EML4: variants seen among roughly 807,000 people sequenced by gnomAD.
EML4 encodes echinoderm microtubule-associated protein-like 4.
In EML4, 72 loss-of-function variants were observed where a neutral mutation model predicts 129.0. That is an observed-to-expected ratio of 0.56 (90% CI 0.46 to 0.68). EML4 has a LOEUF of 0.68. EML4 is among the 30% of genes least tolerant of loss of function. The pLI is 0.00. For synonymous variants in EML4, 532 were observed against 405.0 expected, an observed-to-expected ratio of 1.31 and a Z score of -3.77; for missense variants, 1,363 against 1,190.6, an observed-to-expected ratio of 1.14 and a Z score of -2.13.
Position 42,303,238 on chromosome 2 carries a change from T to C in EML4, c.1767+9T>C. On this transcript the variant is annotated intron_variant, in intron 15 of 22. Transcript: ENST00000318522. ...TCCAAATAGAAGTACAGGTAAGCTG[T>C]GTGATATTAACCGTTAACTGAATAT... 6.2e-7 allele frequency: 1 copy of C among 1,614,186 alleles called. No individual in the cohort carries two copies. Among genetic ancestry groups the C allele is most frequent in the Non-Finnish European group, 8.5e-7 (1 of 1,180,030 alleles).
At position 42,284,672 on chromosome 2, in the gene EML4, G is replaced by A; in HGVS notation, c.980G>A (p.Gly327Glu). The A allele has an allele frequency of 6.2e-7, 1 of 1,612,936 alleles. No homozygotes were observed. ...CCTGACAAAATTAGGATTGCAACTGGACAGATAGCTGGCGTGGATAAAGAT... is the reference window on the plus strand; with the variant it reads ...CCTGACAAAATTAGGATTGCAACTGAACAGATAGCTGGCGTGGATAAAGAT... The part of the protein sequence containing the change: ...IHPDKIRIAT[G>E]QIAGVDKDGR... Residue 327 changes from glycine (G) to glutamate (E), a missense_variant, in exon 9 of 23, where the codon GGA (glycine) becomes GAA (glutamate). Transcript: ENST00000318522.
intron 1 of EML4, among the ~76,000 whole-genome samples, chr2:42,213,731 AT>A (rs1432137312): frequency 6.6e-6 from 1 of 152,244 alleles, no homozygotes; most frequent in Non-Finnish European, 1.5e-5. Flanking sequence ...CATGGAAAAA[AT>A]AATGGCAATA....
intron 19 of EML4, among the ~76,000 whole-genome samples, chr2:42,323,485 T>C (rs1669626998): frequency 6.6e-6 from 1 of 152,206 alleles, no homozygotes; most frequent in Non-Finnish European, 1.5e-5. Context: ...TTTAAATATG[T>C]TTATTTCCCA....
rs191545304 is a variant in EML4, at chr2:42,271,918, C to T, written c.667+7187C>T. On this transcript the variant is annotated intron_variant, in intron 6 of 22. Transcript: ENST00000318522. ...AGGAGTTTGAGACCAGCCTGGCCAA[C>T]ATGGCAAAACCCCATCTCTACAAAA... Among the ~76,000 whole-genome samples the T allele has an allele frequency of 4.6e-5, 7 of 152,096 alleles. No homozygotes were observed. In the South Asian group the frequency reaches 1.0e-3, roughly 23 times the overall value.
At chr2:42,301,206 T>A in intron 13 of EML4, 35 bp from the exon 14 acceptor site, 1 of 1,571,556 alleles carries the variant, frequency 6.4e-7, no homozygotes, top group Non-Finnish European at 8.7e-7. Flanking sequence ...AAGAAAAGTA[T>A]TATCACTAGT....
intron 1 of EML4, among the ~76,000 whole-genome samples, chr2:42,198,562 T>A (rs72978893): frequency 0.034 from 5,116 of 152,034 alleles, 286 homozygotes; most frequent in African/African-American, 0.11. Flanking sequence ...AGAAGAAAAA[T>A]TTTAAAAGGA....
intron 1 of EML4, among the ~76,000 whole-genome samples, chr2:42,200,320 G>A (rs970610296): frequency 2.0e-5 from 3 of 151,988 alleles, no homozygotes; most frequent in Non-Finnish European, 2.9e-5. Flanking sequence ...ACAAGACTAC[G>A]CCTCAAAAAA....
At chr2:42,240,429 T>C (rs545046293) in intron 1 of EML4, among the ~76,000 whole-genome samples, 2 of 152,262 alleles carry the variant, frequency 1.3e-5, no homozygotes, top group South Asian at 2.1e-4. Context: ...TATATACATA[T>C]GTGTGTGTGT....
chr2:42,308,141 T>A (rs892207804), intron 17 of EML4, among the ~76,000 whole-genome samples: 1 of 152,250 alleles, frequency 6.6e-6, no homozygotes, highest in Non-Finnish European at 1.5e-5. Context: ...TAAAATAATG[T>A]CTTATTAATG....
chr2:42,302,627 G>A (rs991176493), intron 14 of EML4, among the ~76,000 whole-genome samples: 4 of 151,282 alleles, frequency 2.6e-5, no homozygotes, highest in African/African-American at 4.9e-5. Context: ...TCTGCCTCCC[G>A]GATTCAAGCA....
At chr2:42,191,238 A>C (rs375707558) in intron 1 of EML4, among the ~76,000 whole-genome samples, 2 of 152,118 alleles carry the variant, frequency 1.3e-5, no homozygotes, top group African/African-American at 2.4e-5. Flanking sequence ...AATATGTATT[A>C]TGTACATAAT....
chr2:42,182,125 CTTT>C (rs1164289811), intron 1 of EML4, among the ~76,000 whole-genome samples: 2 of 102,750 alleles, frequency 1.9e-5, no homozygotes, highest in African/African-American at 3.4e-5. Flanking sequence ...CCACTGGTTT[CTTT>C]TTTTTTTTTT....
chr2:42,226,282 G>T (rs1194886967), intron 1 of EML4, among the ~76,000 whole-genome samples: 1 of 152,002 alleles, frequency 6.6e-6, no homozygotes, highest in Non-Finnish European at 1.5e-5. Context: ...GGAGATGTTG[G>T]CCAGAAGACA....
At chr2:42,244,094 G>GTTTTT (rs898798718) in intron 1 of EML4, among the ~76,000 whole-genome samples, 6 of 44,946 alleles carry the variant, frequency 1.3e-4, no homozygotes, top group Non-Finnish European at 2.5e-4. Flanking sequence ...TTTTGTTTTT[G>GTTTTT]TTTTTTGTTT....
chr2:42,181,126 T>C (rs1278400309), intron 1 of EML4, among the ~76,000 whole-genome samples: 1 of 152,228 alleles, frequency 6.6e-6, no homozygotes, highest in African/African-American at 2.4e-5. Flanking sequence ...TGCCCACAAT[T>C]TTACAATTTT....
chr2:42,301,800 C>T (rs1362123219), intron 14 of EML4, among the ~76,000 whole-genome samples: 11 of 151,720 alleles, frequency 7.3e-5, no homozygotes. Context: ...GATTTTATTT[C>T]CAGGAAGATA....
chr2:42,196,199 C>T (rs1235590137), intron 1 of EML4, among the ~76,000 whole-genome samples: 2 of 152,296 alleles, frequency 1.3e-5, no homozygotes, highest in East Asian at 1.9e-4. Context: ...TTAATACATT[C>T]AGTCATTAAT....
intron 1 of EML4, among the ~76,000 whole-genome samples, chr2:42,213,286 C>T (rs1672985341): frequency 6.6e-6 from 1 of 152,176 alleles, no homozygotes; most frequent in Admixed American, 6.5e-5. Flanking sequence ...AGGATGACCA[C>T]TCTCTTGACT....
At chr2:42,329,260 G>A (rs148863843) in intron 22 of EML4, among the ~76,000 whole-genome samples, 4 of 152,018 alleles carry the variant, frequency 2.6e-5, no homozygotes, top group Admixed American at 6.6e-5. Context: ...TTTATTGTCC[G>A]GTTGCTTTTT....
Sources: gnomAD v4.1 joint callset for allele counts (sites outside exome capture counted in the v4.1 genomes callset) on GRCh38, gnomAD v4.1.1 for gene constraint, MANE v1.5 for transcripts, NCBI Gene and HGNC (gene_info 2026-07-23, HGNC 2026-07-21) for gene names.